The following LIN7A variants were observed in gnomAD, a reference collection of about 807,000 sequenced individuals.
LIN7A encodes the protein lin-7 cell polarity scaffold A, also known as protein lin-7 homolog A.
LIN7A carries 25 observed loss-of-function variants against 29.8 expected under a neutral mutation model. That is an observed-to-expected ratio of 0.84 (90% CI 0.61 to 1.17). The LOEUF (loss-of-function observed/expected upper bound fraction) is 1.17, where lower values mean the gene tolerates loss of function less well. LIN7A is among the 50% of genes most tolerant of loss of function. The pLI is 0.00. For synonymous variants in LIN7A, 118 were observed against 107.5 expected (o/e 1.10, Z -0.60); for missense variants, 239 against 287.0 (o/e 0.83, Z 1.21).
intron 1 of LIN7A, among the ~76,000 whole-genome samples, chr12:80,926,342 C>T (rs888794028): frequency 3.0e-4 from 46 of 152,058 alleles, no homozygotes; most frequent in African/African-American, 9.7e-5. Flanking sequence ...ATTTTCATTC[C>T]TATTTTTAAA....
chr12:80,876,084 G>GAA (rs1555226197), intron 2 of LIN7A, among the ~76,000 whole-genome samples: 99,464 of 148,252 alleles, frequency 0.67, 37,227 homozygotes, highest in Non-Finnish European at 0.86. Context: ...CACACACAGA[G>GAA]AGAGAGAAAG....
intron 5 of LIN7A, among the ~76,000 whole-genome samples, chr12:80,798,521 G>A (rs1047255068): frequency 6.6e-6 from 1 of 151,998 alleles, no homozygotes; most frequent in African/African-American, 2.4e-5. Flanking sequence ...AACCCATTGT[G>A]TTTCCTCAGG....
chr12:80,931,325 C>A (rs1877890781), intron 1 of LIN7A, among the ~76,000 whole-genome samples: 1 of 152,130 alleles, frequency 6.6e-6, no homozygotes, highest in South Asian at 2.1e-4. Context: ...TTGAGTCATT[C>A]TCTTTGTAAC....
At chr12:80,830,475 C>A (rs894779984) in intron 4 of LIN7A, among the ~76,000 whole-genome samples, 3 of 152,038 alleles carry the variant, frequency 2.0e-5, no homozygotes, top group Admixed American at 2.0e-4. Flanking sequence ...CTTAGAAGCC[C>A]TGGAAGGAAG....
At chr12:80,922,481 A>G (rs1877367181) in intron 1 of LIN7A, among the ~76,000 whole-genome samples, 1 of 152,174 alleles carries the variant, frequency 6.6e-6, no homozygotes, top group African/African-American at 2.4e-5. Context: ...GGTCCATATA[A>G]AGAAGTTTTG....
At chr12:80,926,927 C>CAAAAAA (rs35483715) in intron 1 of LIN7A, among the ~76,000 whole-genome samples, 4 of 55,876 alleles carry the variant, frequency 7.2e-5, no homozygotes, top group Non-Finnish European at 1.2e-4. Flanking sequence ...GACTCCATCT[C>CAAAAAA]AAAAAAAAAA....
intron 1 of LIN7A, among the ~76,000 whole-genome samples, chr12:80,913,882 T>TATATATA (rs1425193539): frequency 6.6e-6 from 1 of 152,222 alleles, no homozygotes; most frequent in Non-Finnish European, 1.5e-5. Context: ...TTTGAGATTA[T>TATATATA]TCTCTATCAT....
At chr12:80,837,319 C>T (rs899936029) in intron 4 of LIN7A, among the ~76,000 whole-genome samples, 4 of 152,082 alleles carry the variant, frequency 2.6e-5, no homozygotes, top group African/African-American at 9.7e-5. Flanking sequence ...AAGGTCTTTT[C>T]AGATACAATT....
intron 4 of LIN7A, chr12:80,841,985 A>G (rs1455125044): frequency 9.9e-6 from 12 of 1,215,530 alleles, no homozygotes; most frequent in Middle Eastern, 2.3e-4. Flanking sequence ...TGTATTTTCT[A>G]TGGAATTGTA....
At chr12:80,912,815 C>T (rs1207530562) in intron 1 of LIN7A, among the ~76,000 whole-genome samples, 1 of 151,960 alleles carries the variant, frequency 6.6e-6, no homozygotes, top group Non-Finnish European at 1.5e-5. Flanking sequence ...GTTACCCACG[C>T]CAGTCTCCAG....
chr12:80,926,592 T>C (rs1446024670), intron 1 of LIN7A, among the ~76,000 whole-genome samples: 4 of 152,184 alleles, frequency 2.6e-5, no homozygotes, highest in Non-Finnish European at 5.9e-5. Context: ...TTTTATAACA[T>C]TGGTTAAACC....
chr12:80,891,123 G>A (rs1256598452), intron 1 of LIN7A, among the ~76,000 whole-genome samples: 3 of 152,116 alleles, frequency 2.0e-5, no homozygotes, highest in Non-Finnish European at 4.4e-5. Context: ...TCTTGGAATT[G>A]CCTTTTGTAA....
chr12:80,901,903 AG>A (rs1289125746), intron 1 of LIN7A, among the ~76,000 whole-genome samples: 1 of 152,136 alleles, frequency 6.6e-6, no homozygotes, highest in East Asian at 1.9e-4. Context: ...TACATCTTTA[AG>A]GGGTAATTAG....
chr12:80,899,770 CTTTT>C (rs71309554), intron 1 of LIN7A, among the ~76,000 whole-genome samples: 1 of 125,526 alleles, frequency 8.0e-6, no homozygotes, highest in African/African-American at 2.8e-5. Flanking sequence ...TTTTTCTTTT[CTTTT>C]TTTTTTTTTT....
rs1592966920 is a variant in LIN7A at position 80,937,527 on chromosome 12, G to C, written c.82+114C>G. 1.6e-5 allele frequency: 11 copies of C among 673,482 alleles called. No individual in the cohort carries two copies. In the East Asian group the frequency reaches 3.4e-4, roughly 21 times the overall value. The allele number at this position is 673,482 out of a possible 1,614,324, so 41.7% of individuals were successfully genotyped here. A position where few individuals can be genotyped will look rare whatever the true frequency, so the allele number is the denominator to read the frequency against. On this transcript the variant is annotated intron_variant, in intron 1 of 5. Transcript: ENST00000552864. ...GCGAACGCCTTCCTGGCTCGTCCTCGTTCCCCTTCTCCTCCTGCCTGAGCG... is the reference window on the plus strand; with the variant it reads ...GCGAACGCCTTCCTGGCTCGTCCTCCTTCCCCTTCTCCTCCTGCCTGAGCG...
intron 4 of LIN7A, among the ~76,000 whole-genome samples, chr12:80,829,822 A>C (rs1232218493): frequency 2.0e-5 from 3 of 152,240 alleles, no homozygotes; most frequent in Non-Finnish European, 4.4e-5. Context: ...AATGAGATAG[A>C]TACTAATGAG....
At chr12:80,842,090 G>GCTGA in intron 4 of LIN7A, 5 of 1,287,324 alleles carry the variant, frequency 3.9e-6, no homozygotes, top group Non-Finnish European at 4.0e-6. Flanking sequence ...TGATTGCTGA[G>GCTGA]CTGACATGAG....
intron 2 of LIN7A, among the ~76,000 whole-genome samples, chr12:80,874,651 T>G (rs1012246615): frequency 1.3e-5 from 2 of 152,206 alleles, no homozygotes; most frequent in Non-Finnish European, 2.9e-5. Flanking sequence ...GGAATCATGG[T>G]GCAATTTTCC....
intron 3 of LIN7A, among the ~76,000 whole-genome samples, chr12:80,846,587 T>G (rs2121549000): frequency 6.6e-6 from 1 of 152,280 alleles, no homozygotes; most frequent in African/African-American, 2.4e-5. Context: ...CAATATACCA[T>G]ATTATTATTC....
Sources: gnomAD v4.1 joint callset for allele counts (sites outside exome capture counted in the v4.1 genomes callset) on GRCh38, gnomAD v4.1.1 for gene constraint, MANE v1.5 for transcripts, NCBI Gene and HGNC (gene_info 2026-07-23, HGNC 2026-07-21) for gene names.